OTOGL: variants seen among roughly 807,000 people sequenced by gnomAD.
The protein encoded by OTOGL is otogelin-like protein.
In OTOGL, 285 loss-of-function variants were observed where a neutral mutation model predicts 318.5. The ratio of observed to expected loss-of-function variants is 0.89; its 90% CI spans 0.81 to 0.99. OTOGL has a LOEUF of 0.99. Among genes scored for constraint, OTOGL ranks in the 50% least tolerant of loss-of-function variants. The pLI is 0.00. For missense variants in OTOGL, 2,899 were observed against 2,845.6 expected (o/e 1.02, Z -0.43); for synonymous variants, 987 against 936.5 (o/e 1.05, Z -0.99).
intron 45 of OTOGL, among the ~76,000 whole-genome samples, chr12:80,353,105 A>G (rs530556895): frequency 6.6e-6 from 1 of 152,276 alleles, no homozygotes; most frequent in East Asian, 1.9e-4. Context: ...ATCCTAGCAG[A>G]CCCTTAGAAA....
At chr12:80,180,593 A>G (rs1874852929) in intron 1 of OTOGL, among the ~76,000 whole-genome samples, 1 of 152,226 alleles carries the variant, frequency 6.6e-6, no homozygotes, top group South Asian at 2.1e-4. Context: ...AAGGTGGGTC[A>G]GTTTGTGAGA....
chr12:80,153,614 G>C (rs1872928287), intron 1 of OTOGL, among the ~76,000 whole-genome samples: 2 of 152,004 alleles, frequency 1.3e-5, no homozygotes, highest in African/African-American at 4.8e-5. Flanking sequence ...CACTCTATGG[G>C]TTTGTACAAA....
At chr12:80,342,991 C>G (rs1047867818) in intron 44 of OTOGL, among the ~76,000 whole-genome samples, 13 of 152,122 alleles carry the variant, frequency 8.5e-5, no homozygotes, top group Non-Finnish European at 1.6e-4. Flanking sequence ...AAGTGATTCT[C>G]CTGCCTCAGC....
intron 52 of OTOGL, 119 bp downstream of exon 52, chr12:80,359,019 C>T: frequency 2.4e-6 from 2 of 824,202 alleles, no homozygotes; most frequent in Non-Finnish European, 1.8e-6. Flanking sequence ...TTAAATTGTA[C>T]TAAAGTAGAT....
chr12:80,171,468 C>A (rs1874201530), intron 1 of OTOGL, among the ~76,000 whole-genome samples: 2 of 152,108 alleles, frequency 1.3e-5, no homozygotes, highest in African/African-American at 4.8e-5. Flanking sequence ...TGCACCATTG[C>A]CAAATATCAA....
chr12:80,342,081 T>A lies in OTOGL; in HGVS notation c.5184T>A (p.Pro1728=), dbSNP rs775129582. 2 of 1,606,816 alleles carry A rather than the reference T, an allele frequency of 1.2e-6. No homozygotes were observed. The highest frequency in any genetic ancestry group is 4.5e-5 in the East Asian group (2 of 44,680). ...EKSFEVTMRR[P]VRNCTEHDCS... is the part of the protein sequence containing the mutation. ...CATTTGAAGTAACAATGAGAAGACC[T>A]GTTAGGAATTGTACTGAGCATGATT... Residue 1728 remains proline, a synonymous_variant, in exon 44 of 59, where the codon CCT becomes CCA. Transcript: ENST00000547103.
chr12:80,166,768 A>G (rs1191712256), intron 1 of OTOGL, among the ~76,000 whole-genome samples: 1 of 152,160 alleles, frequency 6.6e-6, no homozygotes, highest in African/African-American at 2.4e-5. Context: ...GGAATTCCTA[A>G]TGTATATCAA....
chr12:80,239,399 C>T lies in OTOGL; in HGVS notation c.1012C>T (p.Pro338Ser). 1.2e-6 allele frequency: 2 copies of T among 1,608,172 alleles called. No homozygotes were observed. The highest frequency in any genetic ancestry group is 1.7e-6 in the Non-Finnish European group (2 of 1,176,260). The change falls in exon 11 of 59, where the codon CCA becomes TCA. Residue 338 changes from proline (P) to serine (S), a missense_variant. By Grantham distance (74) the Pro-to-Ser change is moderately conservative (BLOSUM62 -1). Coordinates refer to ENST00000547103, the MANE Select transcript of OTOGL (RefSeq NM_001378609.3). ...PFLSCHEYID[P>S]YLYIASCVND... Reference sequence around the variant, plus strand: ...TCTGAGCTGCCATGAGTATATCGATCCATACTTATATATTGCCAGCTGTGT... The same window carrying T: ...TCTGAGCTGCCATGAGTATATCGATTCATACTTATATATTGCCAGCTGTGT...
chr12:80,363,012 G>A (rs1344385571), intron 52 of OTOGL, among the ~76,000 whole-genome samples: 2 of 152,048 alleles, frequency 1.3e-5, no homozygotes, highest in Non-Finnish European at 2.9e-5. Flanking sequence ...AGACTGAAAT[G>A]CAGTGGCACA....
rs1268945822 is a variant in OTOGL at position 80,378,001 on chromosome 12, A to G, written c.7015A>G (p.Met2339Val). ...TTGCTCAGGAAATGGCACTGAAATT[A>G]TGTACACTCTCCAGGAACCCATAGA... ...LYCSGNGTEI[M>V]YTLQEPIDCT... Residue 2339 changes from methionine to valine, a missense_variant, in exon 59 of 59, where the codon ATG becomes GTG. By Grantham distance (21) the Met-to-Val change is conservative. Transcript: ENST00000547103. 2 of 1,598,044 alleles carry G rather than the reference A, an allele frequency of 1.3e-6. No homozygotes were observed. Among genetic ancestry groups the G allele is most frequent in the African/African-American group, 2.7e-5 (2 of 74,780 alleles).
chr12:80,290,057 G>A (rs1044797182), intron 26 of OTOGL, among the ~76,000 whole-genome samples: 2 of 152,164 alleles, frequency 1.3e-5, no homozygotes, highest in Admixed American at 1.3e-4. Context: ...CCTGGTTTGT[G>A]GGTTGCAAAA....
intron 1 of OTOGL, among the ~76,000 whole-genome samples, chr12:80,171,446 A>G (rs1333109388): frequency 6.6e-6 from 1 of 152,164 alleles, no homozygotes; most frequent in African/African-American, 2.4e-5. Context: ...ATTTGTTGAA[A>G]AGAACAGCAT....
intron 26 of OTOGL, among the ~76,000 whole-genome samples, chr12:80,284,956 C>T (rs925122845): frequency 4.6e-5 from 7 of 152,076 alleles, no homozygotes; most frequent in Non-Finnish European, 8.8e-5. Flanking sequence ...TTTGCTCATG[C>T]CCATGTCCTG....
intron 1 of OTOGL, among the ~76,000 whole-genome samples, chr12:80,104,492 C>G (rs1422845069): frequency 2.0e-5 from 3 of 152,098 alleles, no homozygotes; most frequent in Non-Finnish European, 4.4e-5. Context: ...GGGAAGGACC[C>G]AACTCACTTA....
At chr12:80,162,901 G>A (rs1873610257) in intron 1 of OTOGL, among the ~76,000 whole-genome samples, 2 of 151,946 alleles carry the variant, frequency 1.3e-5, no homozygotes, top group Admixed American at 1.3e-4. Context: ...CCCCACTGCT[G>A]AGAATGTGGG....
chr12:80,358,562 G>C, intron 50 of OTOGL, 109 bp from the exon 51 acceptor site: 1 of 949,434 alleles, frequency 1.1e-6, no homozygotes, highest in Non-Finnish European at 1.6e-6. Flanking sequence ...GGTAGCACTT[G>C]GGAAATATGA....
intron 1 of OTOGL, among the ~76,000 whole-genome samples, chr12:80,188,308 G>T (rs574092632): frequency 5.9e-5 from 9 of 152,110 alleles, no homozygotes; most frequent in Admixed American, 5.2e-4. Context: ...GAGAGGCCGA[G>T]GCGGGCAGAT....
chr12:80,300,047 A>G (rs1260151331), intron 27 of OTOGL, among the ~76,000 whole-genome samples: 2 of 152,212 alleles, frequency 1.3e-5, no homozygotes, highest in African/African-American at 4.8e-5. Flanking sequence ...TCAAAGACAA[A>G]CAAGGTGATA....
chr12:80,169,260 T>C (rs796821470), intron 1 of OTOGL, among the ~76,000 whole-genome samples: 6 of 152,286 alleles, frequency 3.9e-5, no homozygotes, highest in African/African-American at 1.4e-4. Context: ...TCCTCTTTCA[T>C]CCCTCCATTT....
Sources: allele counts gnomAD v4.1 joint callset (sites outside exome capture counted in the v4.1 genomes callset), GRCh38; gene constraint gnomAD v4.1.1; transcripts MANE v1.5; gene names NCBI Gene and HGNC (gene_info 2026-07-23, HGNC 2026-07-21).